The following NSD2 variants were observed in gnomAD, a reference collection of about 807,000 sequenced individuals.
NSD2 encodes histone-lysine N-methyltransferase NSD2.
A neutral mutation model predicts 139.0 loss-of-function variants in NSD2; 12 were observed. The ratio of observed to expected loss-of-function variants is 0.09; its 90% CI spans 0.06 to 0.14. The LOEUF is 0.14. NSD2 is among the 10% of genes least tolerant of loss of function. The pLI is 1.00. For missense variants in NSD2, 1,155 were observed against 1,745.0 expected (o/e 0.66, Z 6.02); for synonymous variants, 669 against 648.7 (o/e 1.03, Z -0.48).
At chr4:1,946,669 A>T in intron 9 of NSD2, 1 of 1,037,182 alleles carries the variant, frequency 9.6e-7, no homozygotes, top group Non-Finnish European at 1.2e-6. Flanking sequence ...TTATTGTTTT[A>T]TGTAGAATGT....
rs1282302692 is a variant in NSD2, at chr4:1,980,012, ACT to A, written c.*1106_*1107del. The A allele has an allele frequency of 2.1e-5, 5 of 232,686 alleles. No individual in the cohort carries two copies. The highest frequency in any genetic ancestry group is 4.2e-5 in the Non-Finnish European group (5 of 117,748). 14.4% of individuals were successfully genotyped at this position (232,686 alleles called of 1,614,324 possible). A position where few individuals can be genotyped will look rare whatever the true frequency, so the allele number is the denominator to read the frequency against. ...CACCCAGAGTGGCTTCCATCTCAGC[ACT>A]CTGTGGGTCTGGTGATGGAAGATGC... On this transcript the variant is annotated 3_prime_UTR_variant, in exon 22 of 22. Coordinates refer to ENST00000508803, the MANE Select transcript of NSD2 (RefSeq NM_001042424.3).
intron 1 of NSD2, among the ~76,000 whole-genome samples, chr4:1,891,421 A>G (rs1715532949): frequency 6.6e-6 from 1 of 152,126 alleles, no homozygotes; most frequent in South Asian, 2.1e-4. Flanking sequence ...GAATGTCCTG[A>G]ATATCTCACT....
At position 1,940,737 on chromosome 4, in the gene NSD2, G is replaced by A. The variant is rs151054978; in HGVS notation, c.1881+959G>A. ...CCTTACTCTTGCTGAGTCAGAAGGC[G>A]GCACTTCTGGCCAGGTCTCTGCCAT... On this transcript the variant is annotated intron_variant, in intron 9 of 21. Coordinates refer to ENST00000508803, the MANE Select transcript of NSD2 (RefSeq NM_001042424.3). The A allele has an allele frequency of 9.3e-5, 99 of 1,060,392 alleles. 1 individual carries two copies. The highest frequency in any genetic ancestry group is 8.4e-4 in the Middle Eastern group (2 of 2,370). The allele number at this position is 1,060,392 out of a possible 1,614,324, so 65.7% of individuals were successfully genotyped here.
intron 9 of NSD2, 109 bp from the exon 10 acceptor site, chr4:1,950,963 A>G (rs1052092763): frequency 1.4e-6 from 2 of 1,436,698 alleles, no homozygotes; most frequent in African/African-American, 2.8e-5. Context: ...ACCAGTGCTG[A>G]GAAAGACTGG....
chr4:1,901,213 G>T lies in NSD2; in HGVS notation c.559G>T (p.Ala187Ser). The T allele has an allele frequency of 6.3e-7, 1 of 1,595,634 alleles. No homozygotes were observed. Among genetic ancestry groups the T allele is most frequent in the Non-Finnish European group, 8.5e-7 (1 of 1,173,454 alleles). ...GCTGGAGCAGGGCCTTGTCGAAGCA[G>T]CTCTTGTGTCTAAGATCTCAAGTCC... Reference protein sequence around the residue: ...SLLEQGLVEAALVSKISSPSD... With the variant: ...SLLEQGLVEASLVSKISSPSD... The change falls in exon 2 of 22, where the codon GCT (alanine) becomes TCT (serine). Residue 187 changes from alanine to serine, a missense_variant. Coordinates refer to ENST00000508803, the MANE Select transcript of NSD2 (RefSeq NM_001042424.3).
chr4:1,897,138 C>G (rs1325872944), intron 1 of NSD2, among the ~76,000 whole-genome samples: 1 of 150,698 alleles, frequency 6.6e-6, no homozygotes, highest in Non-Finnish European at 1.5e-5. Flanking sequence ...CCACTGCACT[C>G]CAGCCTGGGT....
intron 9 of NSD2, chr4:1,946,559 GCA>G (rs1723656648): frequency 9.8e-7 from 1 of 1,017,628 alleles, no homozygotes; most frequent in African/African-American, 1.7e-5. Context: ...GTAAGCCACT[GCA>G]CCTGGCGGGG....
chr4:1,978,120 C>A (rs954655341), intron 21 of NSD2, among the ~76,000 whole-genome samples: 3 of 150,972 alleles, frequency 2.0e-5, no homozygotes, highest in African/African-American at 4.9e-5. Context: ...GAGCTAGACT[C>A]CATCTCAAAA....
intron 1 of NSD2, among the ~76,000 whole-genome samples, chr4:1,882,537 G>A (rs1426015052): frequency 1.3e-5 from 2 of 152,080 alleles, no homozygotes; most frequent in Admixed American, 6.6e-5. Context: ...GGTGGCGGGC[G>A]CCTGTAGTCC....
At chr4:1,893,266 G>A (rs1715766658) in intron 1 of NSD2, among the ~76,000 whole-genome samples, 1 of 152,066 alleles carries the variant, frequency 6.6e-6, no homozygotes, top group South Asian at 2.1e-4. Context: ...TCAGGAGTTC[G>A]AGACCAGCCT....
chr4:1,937,156 A>C (rs1722500047), intron 7 of NSD2, among the ~76,000 whole-genome samples: 1 of 151,784 alleles, frequency 6.6e-6, no homozygotes, highest in South Asian at 2.1e-4. Context: ...GATTCAAGTG[A>C]TTCTCCTGCC....
At position 1,918,254 on chromosome 4, in the gene NSD2, C is replaced by G. The variant is rs200313606; in HGVS notation, c.1041C>G (p.Leu347=). The G allele has an allele frequency of 1.5e-5, 24 of 1,613,854 alleles. No individual in the cohort carries two copies. Among genetic ancestry groups the G allele is most frequent in the African/African-American group, 1.1e-4 (8 of 74,960 alleles). The change falls in exon 5 of 22, where the codon CTC becomes CTG. Residue 347 remains leucine, a synonymous_variant. Coordinates refer to ENST00000508803, the MANE Select transcript of NSD2 (RefSeq NM_001042424.3). ...VEERKAKFTF[L]YVGDQLHLNP... Reference sequence around the variant, plus strand: ...AGCGGAAAGCCAAGTTCACCTTTCTCTATGTGGGGGACCAGCTTCATCTCA... The same window carrying G: ...AGCGGAAAGCCAAGTTCACCTTTCTGTATGTGGGGGACCAGCTTCATCTCA...
intron 1 of NSD2, among the ~76,000 whole-genome samples, chr4:1,890,459 C>A (rs1404641397): frequency 6.6e-6 from 1 of 151,226 alleles, no homozygotes; most frequent in African/African-American, 2.4e-5. Flanking sequence ...CCACCATGCC[C>A]GGCTAATTGT....
chr4:1,934,036 C>T (rs1722003132), intron 6 of NSD2, among the ~76,000 whole-genome samples: 1 of 150,368 alleles, frequency 6.7e-6, no homozygotes, highest in South Asian at 2.2e-4. Flanking sequence ...TTAAGTTCAA[C>T]TTAAATTCCA....
intron 9 of NSD2, chr4:1,940,952 G>T: frequency 1.9e-6 from 2 of 1,057,674 alleles, no homozygotes; most frequent in Non-Finnish European, 2.3e-6. Flanking sequence ...AACCAACTCA[G>T]TGGTGGTCGA....
At chr4:1,949,857 C>T (rs1428439560) in intron 9 of NSD2, among the ~76,000 whole-genome samples, 1 of 152,148 alleles carries the variant, frequency 6.6e-6, no homozygotes, top group Admixed American at 6.5e-5. Flanking sequence ...CCACCGCTCC[C>T]TGCAATGTCA....
At chr4:1,940,270 G>A in intron 9 of NSD2, 3 of 1,073,920 alleles carry the variant, frequency 2.8e-6, no homozygotes, top group Non-Finnish European at 3.4e-6. Flanking sequence ...TGCATTTCAT[G>A]GCTTTGGTCC....
chr4:1,896,117 G>A (rs1437111377), intron 1 of NSD2, among the ~76,000 whole-genome samples: 5 of 152,246 alleles, frequency 3.3e-5, no homozygotes, highest in African/African-American at 9.6e-5. Flanking sequence ...GCAGAGCTGG[G>A]ATTCTAGTCC....
chr4:1,947,425 G>C (rs1723747704), intron 9 of NSD2: 2 of 1,059,608 alleles, frequency 1.9e-6, no homozygotes, highest in Admixed American at 5.4e-5. Context: ...TGGGAGTGGA[G>C]ACTTCCTCTG....
Sources: gnomAD v4.1 joint callset for allele counts (sites outside exome capture counted in the v4.1 genomes callset) on GRCh38, gnomAD v4.1.1 for gene constraint, MANE v1.5 for transcripts, NCBI Gene and HGNC (gene_info 2026-07-23, HGNC 2026-07-21) for gene names.